Variants in HTR5A observed in about 807,000 individuals in gnomAD.
HTR5A encodes the protein 5-hydroxytryptamine receptor 5A.
A neutral mutation model predicts 24.3 loss-of-function variants in HTR5A; 21 were observed. That is an observed-to-expected ratio of 0.86 (90% confidence interval 0.61 to 1.24). HTR5A has a LOEUF of 1.24. Ranked by LOEUF, HTR5A falls within the 50% of genes most tolerant of loss-of-function variation. HTR5A has a pLI of 0.00. For missense variants in HTR5A, 497 were observed against 489.5 expected, an observed-to-expected ratio of 1.02 and a Z score of -0.15; for synonymous variants, 260 against 213.7, an observed-to-expected ratio of 1.22 and a Z score of -1.89.
At chr7:155,072,289 G>A (rs1183084101) in intron 1 of HTR5A, among the ~76,000 whole-genome samples, 3 of 152,136 alleles carry the variant, frequency 2.0e-5, no homozygotes, top group African/African-American at 7.2e-5. Flanking sequence ...TGCTTCCACT[G>A]CCTTAGGGTG....
At position 155,084,442 on chromosome 7, in the gene HTR5A, G is replaced by A. The variant is rs1208097052; in HGVS notation, c.1029G>A (p.Lys343=). Residue 343 remains lysine, a synonymous_variant, in exon 2 of 2, where the codon AAG becomes AAA. Coordinates refer to ENST00000287907, the MANE Select transcript of HTR5A (RefSeq NM_024012.4). The stretch of plus-strand genomic sequence containing the variant: ...CCCTGATCTATACGGCTTTCAACAA[G>A]AACTACAACAGCGCCTTCAAGAACT... ...FNPLIYTAFN[K]NYNSAFKNFF... is the part of the protein sequence containing the mutation. The A allele has an allele frequency of 5.3e-5, 85 of 1,613,896 alleles. No individual in the cohort carries two copies. Among genetic ancestry groups the A allele is most frequent in the Non-Finnish European group, 7.1e-5 (84 of 1,179,982 alleles).
chr7:155,073,853 A>T (rs886184800), intron 1 of HTR5A, among the ~76,000 whole-genome samples: 1 of 83,960 alleles, frequency 1.2e-5, no homozygotes, highest in Non-Finnish European at 2.5e-5. Flanking sequence ...ATATATACAT[A>T]TGTGTGTGTG....
At chr7:155,073,911 A>ATG (rs1795332071) in intron 1 of HTR5A, among the ~76,000 whole-genome samples, 3 of 143,012 alleles carry the variant, frequency 2.1e-5, no homozygotes, top group African/African-American at 8.0e-5. Flanking sequence ...ATATATATAT[A>ATG]TATATGTATA....
At chr7:155,083,822 T>G (rs940082805) in intron 1 of HTR5A, among the ~76,000 whole-genome samples, 1 of 152,192 alleles carries the variant, frequency 6.6e-6, no homozygotes, top group Admixed American at 6.5e-5. Context: ...TTTGATGAAG[T>G]GTGCACCTCT....
intron 1 of HTR5A, among the ~76,000 whole-genome samples, chr7:155,081,641 T>A (rs1472603217): frequency 6.6e-6 from 1 of 152,248 alleles, no homozygotes; most frequent in African/African-American, 2.4e-5. Flanking sequence ...TAGTAATTAA[T>A]AGAGCGTTAT....
In HTR5A at chr7:155,071,627, C is replaced by A; in HGVS notation, c.728C>A (p.Ser243Tyr). 1 of 1,613,790 alleles carries A rather than the reference C, an allele frequency of 6.2e-7. No individual in the cohort carries two copies. The highest frequency in any genetic ancestry group is 8.5e-7 in the Non-Finnish European group (1 of 1,179,798). The change falls in exon 1 of 2, where the codon TCC becomes TAC. Residue 243 changes from serine to tyrosine, a missense_variant. Ser to Tyr is a moderately radical substitution (Grantham distance 144, BLOSUM62 -2). Coordinates refer to ENST00000287907, the MANE Select transcript of HTR5A (RefSeq NM_024012.4). ...SRKTNSVSPI[S>Y]EAVEVKDSAK... is the part of the protein sequence containing the mutation. ...AAGACCAATAGCGTCTCACCCATAT[C>A]CGAAGCTGTGGAGGTGGGTATCTCA...
chr7:155,080,726 A>C (rs1472671797), intron 1 of HTR5A, among the ~76,000 whole-genome samples: 1 of 152,248 alleles, frequency 6.6e-6, no homozygotes, highest in Admixed American at 6.5e-5. Flanking sequence ...GAGGACACTC[A>C]GAGTAGCAGC....
intron 1 of HTR5A, among the ~76,000 whole-genome samples, chr7:155,076,972 G>A (rs956679704): frequency 3.9e-5 from 6 of 152,154 alleles, no homozygotes; most frequent in African/African-American, 1.2e-4. Context: ...CCAGAGCATG[G>A]CCCCATATTT....
chr7:155,071,151 C>T lies in HTR5A; in HGVS notation c.252C>T (p.Val84=). 1.2e-6 allele frequency: 2 copies of T among 1,604,114 alleles called. No homozygotes were observed. The highest frequency in any genetic ancestry group is 1.6e-4 in the Middle Eastern group (1 of 6,062). The change falls in exon 1 of 2, where the codon GTC becomes GTT. Residue 84 remains valine (V), a synonymous_variant. Coordinates refer to ENST00000287907, the MANE Select transcript of HTR5A (RefSeq NM_024012.4). ...VPHNLVASMA[V]SDVLVAALVM... is the part of the protein sequence containing the mutation. The stretch of plus-strand genomic sequence containing the variant: ...ACAACCTGGTGGCATCCATGGCCGT[C>T]TCGGATGTCCTGGTGGCCGCGCTGG...
chr7:155,082,658 T>G (rs968003649), intron 1 of HTR5A, among the ~76,000 whole-genome samples: 1 of 152,234 alleles, frequency 6.6e-6, no homozygotes, highest in African/African-American at 2.4e-5. Context: ...TGGGACAATA[T>G]GGAAAACAGC....
Position 155,085,321 on chromosome 7 carries a change from G to A in HTR5A, c.*834G>A. The stretch of plus-strand genomic sequence containing the variant: ...TTTCACGCGCGTGGACTATATTCCA[G>A]TGTTTCTAGTCAAAGACCTTTATCC... On this transcript the variant is annotated 3_prime_UTR_variant, in exon 2 of 2. Transcript: ENST00000287907. 1.1e-5 allele frequency: 1 copy of A among 91,168 alleles called. No homozygotes were observed. The allele number at this position is 91,168 out of a possible 1,614,324, so 5.6% of individuals were successfully genotyped here.
At chr7:155,082,256 A>C (rs1327317479) in intron 1 of HTR5A, among the ~76,000 whole-genome samples, 1 of 152,162 alleles carries the variant, frequency 6.6e-6, no homozygotes, top group African/African-American at 2.4e-5. Context: ...CAATGTGACC[A>C]GCATCCACAG....
In HTR5A at chr7:155,071,450, C is replaced by G; in HGVS notation, c.551C>G (p.Thr184Arg). 6.2e-7 allele frequency: 1 copy of G among 1,614,208 alleles called. No individual in the cohort carries two copies. The change falls in exon 1 of 2, where the codon ACG (threonine) becomes AGG (arginine). Residue 184 changes from threonine (T) to arginine (R), a missense_variant. Physicochemically the swap from Thr to Arg is moderately conservative, Grantham distance 71. Coordinates refer to ENST00000287907, the MANE Select transcript of HTR5A (RefSeq NM_024012.4). ...CCGCTGCTTTTTGGCTGGGGAGAGA[C>G]GTACTCTGAGGGCAGCGAGGAGTGC... ...LAPLLFGWGE[T>R]YSEGSEECQV...
Position 155,086,512 on chromosome 7 carries a change from C to T in HTR5A, c.*2025C>T, listed in dbSNP as rs547989429. On this transcript the variant is annotated 3_prime_UTR_variant, in exon 2 of 2. Coordinates refer to ENST00000287907, the MANE Select transcript of HTR5A (RefSeq NM_024012.4). ...GTTATTATAATATTAATTCAATCTC[C>T]AGCTGAGGGTTTTATTAATGTTTTC... Among the ~76,000 whole-genome samples, 16 of 152,322 alleles carry T rather than the reference C, an allele frequency of 1.1e-4. No individual in the cohort carries two copies. In the South Asian group the frequency reaches 2.9e-3, roughly 28 times the overall value.
intron 1 of HTR5A, among the ~76,000 whole-genome samples, chr7:155,080,978 A>G (rs1408451129): frequency 6.6e-6 from 1 of 152,200 alleles, no homozygotes; most frequent in Non-Finnish European, 1.5e-5. Context: ...TTACAAGTGT[A>G]TATTCCCAAA....
chr7:155,077,322 A>G (rs544498538), intron 1 of HTR5A: 1 of 152,322 alleles, frequency 6.6e-6, no homozygotes, highest in Middle Eastern at 3.4e-3. Context: ...AAAGATTGTT[A>G]CTACTTGAAT....
chr7:155,085,045 T>C lies in HTR5A; in HGVS notation c.*558T>C, dbSNP rs1182096728. ...CCAAATATATTAAAGTATATAGTCC[T>C]ATCCATGAGAGCAGGGAATCTTAGC... On this transcript the variant is annotated 3_prime_UTR_variant, in exon 2 of 2. Coordinates refer to ENST00000287907, the MANE Select transcript of HTR5A (RefSeq NM_024012.4). 6.6e-6 allele frequency: 1 copy of C among 151,910 alleles called. No homozygotes were observed. The highest frequency in any genetic ancestry group is 1.5e-5 in the Non-Finnish European group (1 of 68,364). 9.4% of individuals were successfully genotyped at this position (151,910 alleles called of 1,614,324 possible). A position where few individuals can be genotyped will look rare whatever the true frequency, so the allele number is the denominator to read the frequency against.
At chr7:155,074,365 G>A (rs1264717465) in intron 1 of HTR5A, among the ~76,000 whole-genome samples, 1 of 152,178 alleles carries the variant, frequency 6.6e-6, no homozygotes, top group Non-Finnish European at 1.5e-5. Context: ...AGTGAGCGGG[G>A]GCTGTGCTGT....
chr7:155,081,836 G>C (rs187413625), intron 1 of HTR5A, among the ~76,000 whole-genome samples: 8 of 152,294 alleles, frequency 5.3e-5, no homozygotes, highest in Admixed American at 4.6e-4. Flanking sequence ...TGTCCCAGGG[G>C]TACCATTTTA....
Sources: gnomAD v4.1 joint callset for allele counts (sites outside exome capture counted in the v4.1 genomes callset) on GRCh38, gnomAD v4.1.1 for gene constraint, MANE v1.5 for transcripts, NCBI Gene and HGNC (gene_info 2026-07-23, HGNC 2026-07-21) for gene names.